The following PCDHA4 variants were observed in gnomAD, a reference collection of about 807,000 sequenced individuals.
The protein encoded by PCDHA4 is protocadherin alpha-4.
PCDHA4 carries 49 observed loss-of-function variants against 61.4 expected under a neutral mutation model. The ratio of observed to expected loss-of-function variants is 0.80; its 90% confidence interval spans 0.63 to 1.01. The LOEUF (loss-of-function observed/expected upper bound fraction) is 1.01, where lower values mean the gene tolerates loss of function less well. Ranked by LOEUF, PCDHA4 falls within the 50% of genes least tolerant of loss-of-function variation. PCDHA4 has a pLI of 0.00. For missense variants in PCDHA4, 1,254 were observed against 1,235.8 expected, an observed-to-expected ratio of 1.01 and a Z score of -0.22; for synonymous variants, 590 against 550.3, an observed-to-expected ratio of 1.07 and a Z score of -1.01.
At position 140,809,295 on chromosome 5, in the gene PCDHA4, C is replaced by T. The variant is rs1554125121; in HGVS notation, c.2108C>T (p.Ala703Val). The T allele has an allele frequency of 5.6e-6, 9 of 1,613,996 alleles. No homozygotes were observed. In the Admixed American group the frequency reaches 8.3e-5, roughly 15 times the overall value. ...GATGTCAACGTATACCTGATCATTG[C>T]CATCTGCGCGGTGTCCAGCCTTTTG... Reference protein sequence around the residue: ...LVDVNVYLIIAICAVSSLLVL... With the variant: ...LVDVNVYLIIVICAVSSLLVL... Residue 703 changes from alanine to valine, a missense_variant, in exon 1 of 4, where the codon GCC becomes GTC. Coordinates refer to ENST00000530339, the MANE Select transcript of PCDHA4 (RefSeq NM_018907.4).
chr5:140,906,271 T>A (rs2072508162), intron 1 of PCDHA4, among the ~76,000 whole-genome samples: 1 of 152,180 alleles, frequency 6.6e-6, no homozygotes, highest in African/African-American at 2.4e-5. Flanking sequence ...AAATTATAGA[T>A]AATCTTCAAA....
At chr5:140,883,502 G>T in intron 1 of PCDHA4, 1 of 1,614,160 alleles carries the variant, frequency 6.2e-7, no homozygotes, top group Non-Finnish European at 8.5e-7. Context: ...GCTGGACAGC[G>T]CCCTGGACCG....
intron 1 of PCDHA4, chr5:140,928,951 G>C (rs2032668535): frequency 6.2e-7 from 1 of 1,614,028 alleles, no homozygotes; most frequent in Non-Finnish European, 8.5e-7. Flanking sequence ...TTTAGTAATT[G>C]CCTTGGCTTG....
chr5:140,838,268 C>G (rs1775630088), intron 1 of PCDHA4, among the ~76,000 whole-genome samples: 1 of 138,020 alleles, frequency 7.2e-6, no homozygotes, highest in African/African-American at 2.8e-5. Flanking sequence ...CGCCAACAAC[C>G]AAGCCATGCT....
intron 1 of PCDHA4, among the ~76,000 whole-genome samples, chr5:140,839,319 G>A (rs1776149332): frequency 6.6e-6 from 1 of 151,778 alleles, no homozygotes; most frequent in Admixed American, 6.6e-5. Context: ...ATTTATATTG[G>A]GAAATACCTG....
chr5:140,935,957 A>G (rs1427987096), intron 1 of PCDHA4, among the ~76,000 whole-genome samples: 5 of 150,604 alleles, frequency 3.3e-5, no homozygotes, highest in African/African-American at 1.2e-4. Context: ...AAGTGGTACA[A>G]TCTTGGCTCA....
intron 1 of PCDHA4, among the ~76,000 whole-genome samples, chr5:140,913,292 T>G (rs1252467748): frequency 6.6e-6 from 1 of 152,184 alleles, no homozygotes; most frequent in African/African-American, 2.4e-5. Flanking sequence ...AGGTTTTAAT[T>G]TCTTCATAGA....
intron 1 of PCDHA4, chr5:140,862,055 T>A (rs562841635): frequency 6.4e-6 from 1 of 155,712 alleles, no homozygotes; most frequent in East Asian, 1.9e-4. Context: ...ATTGTTTCTT[T>A]GCAACTGATG....
chr5:140,813,771 G>A (rs1418058238), intron 1 of PCDHA4: 1 of 152,316 alleles, frequency 6.6e-6, no homozygotes, highest in East Asian at 1.9e-4. Context: ...TGAGGAAGGA[G>A]GATCACTTAA....
In PCDHA4 at chr5:140,856,941, C is replaced by A. The variant is rs782304851; in HGVS notation, c.2385+47369C>A. The A allele has an allele frequency of 2.5e-6, 4 of 1,592,588 alleles. No homozygotes were observed. The South Asian group carries it at 3.3e-5, about 13-fold the overall frequency. On this transcript the variant is annotated intron_variant, in intron 1 of 3. Coordinates refer to ENST00000530339, the MANE Select transcript of PCDHA4 (RefSeq NM_018907.4). The stretch of plus-strand genomic sequence containing the variant: ...AGGAAATTTTGGATAAACGAAAGGA[C>A]GGGAGAAATAAAAGTAAATGATGCT...
At chr5:140,882,844 A>G in intron 1 of PCDHA4, 1 of 1,614,248 alleles carries the variant, frequency 6.2e-7, no homozygotes, top group Non-Finnish European at 8.5e-7. Flanking sequence ...TGTCTTCATT[A>G]TCACTTGTAC....
chr5:140,862,620 G>T, intron 1 of PCDHA4: 1 of 528,384 alleles, frequency 1.9e-6, no homozygotes, highest in South Asian at 1.4e-5. Context: ...GTAACAACCC[G>T]CGGGGCTGCC....
intron 1 of PCDHA4, among the ~76,000 whole-genome samples, chr5:140,958,345 C>G (rs1220590485): frequency 6.6e-6 from 1 of 152,044 alleles, no homozygotes; most frequent in African/African-American, 2.4e-5. Flanking sequence ...ACAGGAAGTT[C>G]ACAGTCTGAC....
chr5:140,953,099 G>A lies in PCDHA4; in HGVS notation c.2386-25850G>A, dbSNP rs1554220803. On this transcript the variant is annotated intron_variant, in intron 1 of 3. Transcript: ENST00000530339. ...CATTGGGGATTACAATTTGACATGA[G>A]ATTTGGGCAGGGACACAGATCTAAA... Among the ~76,000 whole-genome samples, 7 of 152,256 alleles carry A rather than the reference G, an allele frequency of 4.6e-5. 1 individual carries two copies. Among genetic ancestry groups the A allele is most frequent in the South Asian group, 2.1e-4 (1 of 4,828 alleles).
In PCDHA4 at chr5:140,978,905, T is replaced by C. The variant is rs782532288; in HGVS notation, c.2386-44T>C. 9 of 1,613,632 alleles carry C rather than the reference T, an allele frequency of 5.6e-6. No homozygotes were observed. In the South Asian group the frequency reaches 9.9e-5, roughly 18 times the overall value. On this transcript the variant is annotated intron_variant, in intron 1 of 3. Coordinates refer to ENST00000530339, the MANE Select transcript of PCDHA4 (RefSeq NM_018907.4). ...AATTAGCAGCATTCCTGGGAGAACA[T>C]TGTCTTGTCATTTTAACAGAAAACT...
At chr5:140,974,320 CT>C (rs2096622624) in intron 1 of PCDHA4, among the ~76,000 whole-genome samples, 1 of 152,206 alleles carries the variant, frequency 6.6e-6, no homozygotes, top group Non-Finnish European at 1.5e-5. Context: ...GAGAGAGTAG[CT>C]GCTGTGCTAG....
chr5:140,908,547 A>G (rs2074022083), intron 1 of PCDHA4, among the ~76,000 whole-genome samples: 1 of 152,152 alleles, frequency 6.6e-6, no homozygotes, highest in Non-Finnish European at 1.5e-5. Context: ...AAAGCCCAGT[A>G]ATAGGCCAAG....
At chr5:141,005,304 A>G (rs2098205361) in intron 3 of PCDHA4, among the ~76,000 whole-genome samples, 1 of 152,200 alleles carries the variant, frequency 6.6e-6, no homozygotes, top group Non-Finnish European at 1.5e-5. Context: ...GCCTTTGTGA[A>G]TCTTACAGTG....
At chr5:140,834,897 C>T (rs1364114983) in intron 1 of PCDHA4, 11 of 1,602,496 alleles carry the variant, frequency 6.9e-6, no homozygotes, top group Non-Finnish European at 2.6e-6. Flanking sequence ...CACTTACAGA[C>T]TGAGCCCCAA....
Sources: gnomAD v4.1 joint callset for allele counts (sites outside exome capture counted in the v4.1 genomes callset) on GRCh38, gnomAD v4.1.1 for gene constraint, MANE v1.5 for transcripts, NCBI Gene and HGNC (gene_info 2026-07-23, HGNC 2026-07-21) for gene names.